Variants in CMTM4 observed in about 807,000 individuals in gnomAD.
CMTM4 encodes the protein CKLF-like MARVEL transmembrane domain-containing protein 4.
CMTM4 carries 8 observed loss-of-function variants against 19.0 expected under a neutral mutation model. The observed-to-expected ratio is 0.42, with a 90% CI of 0.25 to 0.76. CMTM4 has a LOEUF of 0.76. Ranked by LOEUF, CMTM4 falls within the 30% of genes least tolerant of loss-of-function variation. The pLI, the probability that CMTM4 is intolerant of heterozygous loss-of-function variation, is 0.27. For synonymous variants in CMTM4, 106 were observed against 121.1 expected (o/e 0.88, Z 0.82); for missense variants, 228 against 290.2 (o/e 0.79, Z 1.56).
At chr16:66,645,437 G>A (rs1213114802) in intron 1 of CMTM4, among the ~76,000 whole-genome samples, 1 of 151,856 alleles carries the variant, frequency 6.6e-6, no homozygotes, top group Non-Finnish European at 1.5e-5. Context: ...AATTAGCCAG[G>A]CATGGTGGCG....
intron 1 of CMTM4, among the ~76,000 whole-genome samples, chr16:66,689,696 T>C (rs979736174): frequency 6.6e-6 from 1 of 152,224 alleles, no homozygotes; most frequent in Admixed American, 6.5e-5. Flanking sequence ...CATAAGCCAC[T>C]GTGCCTGGCC....
At chr16:66,602,689 G>A in the CMTM4 span, among the ~76,000 whole-genome samples, 1 of 152,122 alleles carries the variant, frequency 6.6e-6, no homozygotes, top group Non-Finnish European at 1.5e-5. Flanking sequence ...TGGGGTTACA[G>A]GCCTGTGCCA....
chr16:66,679,300 G>A (rs1385807510), intron 1 of CMTM4, among the ~76,000 whole-genome samples: 1 of 151,952 alleles, frequency 6.6e-6, no homozygotes, highest in Non-Finnish European at 1.5e-5. Context: ...CCGCTCCATG[G>A]GAAAAGATGG....
chr16:66,611,444 A>C (rs1166896189), downstream of CMTM4, among the ~76,000 whole-genome samples: 1 of 151,788 alleles, frequency 6.6e-6, no homozygotes, highest in Non-Finnish European at 1.5e-5. Flanking sequence ...GTGAGACTCC[A>C]TCTCGGGGGG....
In CMTM4 at chr16:66,628,680, G is replaced by A. The variant is rs192072910; in HGVS notation, c.364-5178C>T. On this transcript the variant is annotated intron_variant, in intron 2 of 3. Coordinates refer to ENST00000394106, the MANE Select transcript of CMTM4 (RefSeq NM_181521.3). The stretch of plus-strand genomic sequence containing the variant: ...TACAGGTAAAAATGGAATTTCTTAT[G>A]TCTTCCCTTTCTACATAGACACAGT... Among the ~76,000 whole-genome samples the A allele has an allele frequency of 7.3e-3, 1,118 of 152,266 alleles. 16 individuals carry two copies. The highest frequency in any genetic ancestry group is 0.013 in the Non-Finnish European group (859 of 68,016).
At chr16:66,680,589 G>A (rs143285044) in intron 1 of CMTM4, among the ~76,000 whole-genome samples, 3,647 of 151,170 alleles carry the variant, frequency 0.024, 64 homozygotes, top group Non-Finnish European at 0.034. Flanking sequence ...CATGGCTAAC[G>A]CGGTGAAACC....
intron 1 of CMTM4, among the ~76,000 whole-genome samples, chr16:66,665,712 G>T (rs1225560600): frequency 1.3e-5 from 2 of 152,006 alleles, no homozygotes; most frequent in East Asian, 3.9e-4. Flanking sequence ...GGAGGCAGAG[G>T]CTGCAGTAAG....
chr16:66,639,890 C>A (rs1263225594), intron 1 of CMTM4, among the ~76,000 whole-genome samples: 1 of 152,126 alleles, frequency 6.6e-6, no homozygotes, highest in Non-Finnish European at 1.5e-5. Context: ...TGGTGCTGCA[C>A]ACCTGTAATC....
At chr16:66,612,785 G>C (rs1306367960), downstream of CMTM4, 4 of 763,544 alleles carry the variant, frequency 5.2e-6, no homozygotes, top group African/African-American at 1.8e-5. The surrounding 1 kb of genome is among the most constrained non-coding windows in gnomAD (Gnocchi z 6.0). Flanking sequence ...CTCAGGTTCT[G>C]CCTGAGCCCA....
chr16:66,628,726 T>C (rs556731657), intron 2 of CMTM4, among the ~76,000 whole-genome samples: 2 of 152,326 alleles, frequency 1.3e-5, no homozygotes, highest in East Asian at 3.9e-4. Context: ...TCTCTCTTTT[T>C]TTCCCCTACA....
In CMTM4 at chr16:66,621,100, CT is replaced by C. The variant is rs1248781957; in HGVS notation, c.*957del. Reference sequence around the variant, plus strand: ...ATCTGCTCAGAATCATTTTAGAACTCTTTGCAGGCATTTAGAAAATTAGCAC... The same window carrying C: ...ATCTGCTCAGAATCATTTTAGAACTCTTGCAGGCATTTAGAAAATTAGCAC... On this transcript the variant is annotated 3_prime_UTR_variant, in exon 4 of 4. Coordinates refer to ENST00000394106, the MANE Select transcript of CMTM4 (RefSeq NM_181521.3). 3.0e-6 allele frequency: 3 copies of C among 985,888 alleles called. No individual in the cohort carries two copies. Among genetic ancestry groups the C allele is most frequent in the Admixed American group, 6.1e-5 (1 of 16,282 alleles). 61.1% of individuals were successfully genotyped at this position (985,888 alleles called of 1,614,324 possible). A position where few individuals can be genotyped will look rare whatever the true frequency, so the allele number is the denominator to read the frequency against.
At chr16:66,641,590 A>G (rs1356395927) in intron 1 of CMTM4, among the ~76,000 whole-genome samples, 1 of 152,170 alleles carries the variant, frequency 6.6e-6, no homozygotes, top group Non-Finnish European at 1.5e-5. Flanking sequence ...TGACATATAG[A>G]TAGCAAGAAG....
chr16:66,658,648 ACTTTT>A (rs1376761736), intron 1 of CMTM4, among the ~76,000 whole-genome samples: 4 of 152,166 alleles, frequency 2.6e-5, no homozygotes, highest in African/African-American at 4.8e-5. Context: ...AGACCGGATC[ACTTTT>A]CATTGTGAGG....
chr16:66,642,606 G>C (rs1287509924), intron 1 of CMTM4, among the ~76,000 whole-genome samples: 1 of 152,194 alleles, frequency 6.6e-6, no homozygotes, highest in South Asian at 2.1e-4. Flanking sequence ...ATCCCAGCTA[G>C]GCAGGAGGCT....
chr16:66,680,773 CAAAAAAAAAAAAAAAAA>C (rs35127974), intron 1 of CMTM4, among the ~76,000 whole-genome samples: 3 of 32,258 alleles, frequency 9.3e-5, no homozygotes, highest in Non-Finnish European at 1.1e-4. Context: ...GACTCCGTCT[CAAAAAAAAAAAAAAAAA>C]AAAAAAAAAA....
chr16:66,605,785 AG>A, the CMTM4 span, among the ~76,000 whole-genome samples: 3 of 152,190 alleles, frequency 2.0e-5, 1 homozygote, highest in South Asian at 6.2e-4. This position sits in a 1 kb window ranked among gnomAD's most constrained non-coding sequence, Gnocchi z 4.6. Context: ...AGCGGCCAGG[AG>A]GGTGGGGGCA....
At chr16:66,601,936 G>C in the CMTM4 span, among the ~76,000 whole-genome samples, 3 of 152,208 alleles carry the variant, frequency 2.0e-5, no homozygotes. Context: ...GGTAGCTGCA[G>C]CTGCACCTGG....
At position 66,619,190 on chromosome 16, in the gene CMTM4, A is replaced by G. The variant is rs957404339; in HGVS notation, c.*2868T>C. 1.0e-6 allele frequency: 1 copy of G among 985,340 alleles called. No homozygotes were observed. Among genetic ancestry groups the G allele is most frequent in the Non-Finnish European group, 1.2e-6 (1 of 829,946 alleles). The allele number at this position is 985,340 out of a possible 1,614,324, so 61.0% of individuals were successfully genotyped here. A position where few individuals can be genotyped will look rare whatever the true frequency, so the allele number is the denominator to read the frequency against. ...AAACATATTTCCCTCCCATGCCTTC[A>G]GCAGTGTGAAAGAAGGATATCAAAG... On this transcript the variant is annotated 3_prime_UTR_variant, in exon 4 of 4. Coordinates refer to ENST00000394106, the MANE Select transcript of CMTM4 (RefSeq NM_181521.3).
At chr16:66,687,398 GCTCATGCCTGTAAAC>G (rs2017053312) in intron 1 of CMTM4, among the ~76,000 whole-genome samples, 1 of 152,148 alleles carries the variant, frequency 6.6e-6, no homozygotes, top group Non-Finnish European at 1.5e-5. Context: ...GGGAGCAGTG[GCTCATGCCTGTAAAC>G]CTTGGACTTT....
Sources: gnomAD v4.1 joint callset for allele counts (sites outside exome capture counted in the v4.1 genomes callset) on GRCh38, gnomAD v4.1.1 for gene constraint, Gnocchi (gnomAD v3.1) non-coding constraint, MANE v1.5 for transcripts, NCBI Gene and HGNC (gene_info 2026-07-23, HGNC 2026-07-21) for gene names.